Variants in MANBA observed in about 807,000 individuals in gnomAD.
MANBA encodes the protein mannosidase beta.
In MANBA, 83 loss-of-function variants were observed where a neutral mutation model predicts 111.1. The ratio of observed to expected loss-of-function variants is 0.75; its 90% CI spans 0.63 to 0.90. MANBA has a LOEUF of 0.90. Ranked by LOEUF, MANBA falls within the 40% of genes least tolerant of loss-of-function variation. The probability of loss-of-function intolerance (pLI) is 0.00; values close to 1 mark genes in which losing one functional copy is unlikely to be tolerated. For synonymous variants in MANBA, 370 were observed against 378.7 expected (o/e 0.98, Z 0.27); for missense variants, 1,036 against 1,069.0 (o/e 0.97, Z 0.43).
chr4:102,712,113 T>C (rs1207212536), intron 5 of MANBA, among the ~76,000 whole-genome samples: 4 of 152,190 alleles, frequency 2.6e-5, no homozygotes, highest in African/African-American at 9.7e-5. Context: ...AGGTGATAGA[T>C]ACCCGAATTA....
Position 102,650,672 on chromosome 4 carries a change from AT to A in MANBA, c.1733del (p.Asn578IlefsTer47), listed in dbSNP as rs1404226085. On this transcript the variant is annotated frameshift_variant, in exon 13 of 17. Coordinates refer to ENST00000647097, the MANE Select transcript of MANBA (RefSeq NM_005908.4). LOFTEE classifies it high-confidence loss of function. ...KVSSTEDWSFNSKFSLHRQHH... is the reference protein window; with the variant it reads ...KVSSTEDWSFXSKFSLHRQHH... ...GTTGTCGATGAAGTGAAAACTTGCT[AT>A]TGAAAGACCAGTCCTCTGTAGACGA... The A allele has an allele frequency of 1.2e-5, 19 of 1,613,384 alleles. No individual in the cohort carries two copies. Among genetic ancestry groups the A allele is most frequent in the Non-Finnish European group, 1.6e-5 (19 of 1,179,392 alleles).
rs565723793 is a variant in MANBA at position 102,695,189 on chromosome 4, C to T, written c.674-4418G>A. Reference sequence around the variant, plus strand: ...CCAGTACATCAGCCTTCAAAATCTTCTCAAATACGCCAGCTTCCTCTTATA... The same window carrying T: ...CCAGTACATCAGCCTTCAAAATCTTTTCAAATACGCCAGCTTCCTCTTATA... On this transcript the variant is annotated intron_variant, in intron 5 of 16. Transcript: ENST00000647097. Among the ~76,000 whole-genome samples the T allele has an allele frequency of 4.6e-5, 7 of 152,152 alleles. No homozygotes were observed. The South Asian group carries it at 1.5e-3, about 32-fold the overall frequency.
At chr4:102,660,533 C>T (rs1730888074) in intron 11 of MANBA, among the ~76,000 whole-genome samples, 1 of 151,988 alleles carries the variant, frequency 6.6e-6, no homozygotes, top group African/African-American at 2.4e-5. Flanking sequence ...TAGCTCACTG[C>T]AGCCTCGACC....
At chr4:102,721,687 T>C (rs1328332685) in intron 4 of MANBA, among the ~76,000 whole-genome samples, 1 of 152,172 alleles carries the variant, frequency 6.6e-6, no homozygotes, top group East Asian at 1.9e-4. Flanking sequence ...ACAAATACTG[T>C]ATGATTCCAC....
intron 14 of MANBA, among the ~76,000 whole-genome samples, chr4:102,637,550 C>G (rs1233135440): frequency 6.6e-6 from 1 of 152,182 alleles, no homozygotes; most frequent in African/African-American, 2.4e-5. Context: ...TCAATCATGG[C>G]TGTCCAATGA....
chr4:102,752,317 G>A, intron 1 of MANBA: 1 of 1,366,488 alleles, frequency 7.3e-7, no homozygotes, highest in South Asian at 1.2e-5. Context: ...TAAACGTTTA[G>A]CATCTGGAAG....
At chr4:102,719,918 T>C (rs996198745) in intron 4 of MANBA, among the ~76,000 whole-genome samples, 15 of 152,132 alleles carry the variant, frequency 9.9e-5, no homozygotes, top group African/African-American at 3.4e-4. Flanking sequence ...GTCCAAAACA[T>C]TGTGATAGCA....
chr4:102,702,332 C>T (rs1304141775), intron 5 of MANBA, among the ~76,000 whole-genome samples: 5 of 152,082 alleles, frequency 3.3e-5, no homozygotes, highest in African/African-American at 9.7e-5. Context: ...GTAGTTTGAT[C>T]GCCTGAAGCC....
chr4:102,705,281 G>A (rs922688784), intron 5 of MANBA, among the ~76,000 whole-genome samples: 1 of 152,168 alleles, frequency 6.6e-6, no homozygotes, highest in Non-Finnish European at 1.5e-5. Context: ...AGTATAGGGA[G>A]CTACAAGATA....
At chr4:102,758,843 G>T (rs776015676) in intron 1 of MANBA, among the ~76,000 whole-genome samples, 5 of 152,056 alleles carry the variant, frequency 3.3e-5, no homozygotes, top group Non-Finnish European at 7.4e-5. Context: ...TTTTCAACAG[G>T]CCTTGTGTTT....
intron 1 of MANBA, among the ~76,000 whole-genome samples, chr4:102,746,893 AC>A (rs1723605949): frequency 6.6e-6 from 1 of 151,160 alleles, no homozygotes. Context: ...AATGCCGTGA[AC>A]CCAGGAGTCA....
At chr4:102,705,691 G>A (rs545179815) in intron 5 of MANBA, among the ~76,000 whole-genome samples, 120 of 152,278 alleles carry the variant, frequency 7.9e-4, no homozygotes, top group Non-Finnish European at 1.3e-3. Flanking sequence ...CCAGTGGTCT[G>A]GATATCATCC....
rs181342971 is a variant in MANBA, at chr4:102,743,078, C to T, written c.178-16395G>A. Among the ~76,000 whole-genome samples, 185 of 152,294 alleles carry T rather than the reference C, an allele frequency of 1.2e-3. 6 individuals carry two copies. Among genetic ancestry groups the T allele is most frequent in the Non-Finnish European group, 1.9e-4 (13 of 68,020 alleles). ...AAGAGGCTGAGTGTTGTCCACAGAA[C>T]GAGTCATCCTATTCACTTGATTATT... On this transcript the variant is annotated intron_variant, in intron 1 of 16. Coordinates refer to ENST00000647097, the MANE Select transcript of MANBA (RefSeq NM_005908.4).
chr4:102,639,312 G>A (rs184924559), intron 14 of MANBA, among the ~76,000 whole-genome samples: 7 of 152,204 alleles, frequency 4.6e-5, no homozygotes, highest in Non-Finnish European at 7.4e-5. Flanking sequence ...ACACATAAGC[G>A]GGCCAAACTT....
chr4:102,660,087 G>A (rs1730861705), intron 11 of MANBA, among the ~76,000 whole-genome samples: 1 of 152,090 alleles, frequency 6.6e-6, no homozygotes, highest in Admixed American at 6.5e-5. Context: ...ATTTCCACCT[G>A]TGTTGTCTTG....
intron 3 of MANBA, among the ~76,000 whole-genome samples, chr4:102,723,314 G>A (rs1722660526): frequency 3.3e-5 from 5 of 152,126 alleles, no homozygotes. Context: ...TAGGGAAATG[G>A]ATAGAGCAAA....
chr4:102,671,425 C>A (rs1311241238), intron 8 of MANBA, 27 bp from the exon 9 acceptor site: 2 of 1,345,652 alleles, frequency 1.5e-6, no homozygotes, highest in African/African-American at 1.4e-5. Context: ...AGAAACAAAT[C>A]ATAATTTGGA....
chr4:102,757,780 A>G (rs1724083921), intron 1 of MANBA, among the ~76,000 whole-genome samples: 1 of 152,158 alleles, frequency 6.6e-6, no homozygotes, highest in South Asian at 2.1e-4. Context: ...TAATCATGCT[A>G]CTCTAAGCTC....
chr4:102,679,608 T>C (rs1273125410), intron 7 of MANBA: 1 of 152,140 alleles, frequency 6.6e-6, no homozygotes, highest in East Asian at 1.9e-4. Context: ...TTTTCAGCCT[T>C]ACCTTCTAAA....
Sources: gnomAD v4.1 joint callset for allele counts (sites outside exome capture counted in the v4.1 genomes callset) on GRCh38, gnomAD v4.1.1 for gene constraint, MANE v1.5 for transcripts, NCBI Gene and HGNC (gene_info 2026-07-23, HGNC 2026-07-21) for gene names.